The following PKNOX2 variants were observed in gnomAD, a reference collection of about 807,000 sequenced individuals.
PKNOX2 encodes homeobox protein PKNOX2.
PKNOX2 carries 14 observed loss-of-function variants against 53.1 expected under a neutral mutation model. That is an observed-to-expected ratio of 0.26 (90% confidence interval 0.17 to 0.41). The LOEUF (loss-of-function observed/expected upper bound fraction) is 0.41, where lower values mean the gene tolerates loss of function less well. PKNOX2 is among the 10% of genes least tolerant of loss of function. The pLI is 1.00. For synonymous variants in PKNOX2, 257 were observed against 242.8 expected (o/e 1.06, Z -0.54); for missense variants, 496 against 602.8 (o/e 0.82, Z 1.85).
At chr11:125,274,425 T>C (rs1946023817) in intron 2 of PKNOX2, among the ~76,000 whole-genome samples, 1 of 152,212 alleles carries the variant, frequency 6.6e-6, no homozygotes, top group Non-Finnish European at 1.5e-5. Flanking sequence ...ATATGAATCC[T>C]TTGCCTCTGC....
At chr11:125,343,024 G>A (rs1250786413) in intron 3 of PKNOX2, among the ~76,000 whole-genome samples, 1 of 152,028 alleles carries the variant, frequency 6.6e-6, no homozygotes, top group Admixed American at 6.5e-5. Context: ...CGCTCTCTAG[G>A]TTAGAAGGTT....
chr11:125,208,316 T>C (rs1250276036), intron 1 of PKNOX2, among the ~76,000 whole-genome samples: 4 of 152,084 alleles, frequency 2.6e-5, no homozygotes, highest in African/African-American at 7.2e-5. Context: ...AGATTGTAAG[T>C]TGAACCTGGA....
At chr11:125,236,886 C>G (rs1045638739) in intron 2 of PKNOX2, among the ~76,000 whole-genome samples, 1 of 152,198 alleles carries the variant, frequency 6.6e-6, no homozygotes, top group Non-Finnish European at 1.5e-5. Flanking sequence ...GAGAGGGAAA[C>G]AGCAAATATT....
intron 1 of PKNOX2, among the ~76,000 whole-genome samples, chr11:125,196,861 G>A (rs987940917): frequency 1.3e-5 from 2 of 152,218 alleles, no homozygotes; most frequent in African/African-American, 2.4e-5. Context: ...CTCTCCTCAT[G>A]AGCAGGGACC....
At chr11:125,204,927 C>T (rs969997457) in intron 1 of PKNOX2, among the ~76,000 whole-genome samples, 3 of 152,128 alleles carry the variant, frequency 2.0e-5, no homozygotes, top group Non-Finnish European at 2.9e-5. Context: ...AAAACAAGAC[C>T]GTACACTCCC....
chr11:125,421,470 T>C (rs2135632652), intron 10 of PKNOX2, among the ~76,000 whole-genome samples: 1 of 152,286 alleles, frequency 6.6e-6, no homozygotes, highest in South Asian at 2.1e-4. Context: ...AGCAAGGGCT[T>C]TGGAGGCAGA....
At chr11:125,273,291 A>C (rs979562438) in intron 2 of PKNOX2, among the ~76,000 whole-genome samples, 4 of 152,238 alleles carry the variant, frequency 2.6e-5, no homozygotes, top group Admixed American at 2.6e-4. Context: ...GGCTCAGCAA[A>C]CAGAGCCCAG....
intron 5 of PKNOX2, among the ~76,000 whole-genome samples, chr11:125,369,944 G>A (rs1952436124): frequency 6.6e-6 from 1 of 152,164 alleles, no homozygotes; most frequent in Admixed American, 6.5e-5. Flanking sequence ...GATTAGAAAT[G>A]CAGGCTCTTA....
intron 1 of PKNOX2, among the ~76,000 whole-genome samples, chr11:125,200,447 G>A (rs148597775): frequency 1.8e-4 from 27 of 152,216 alleles, no homozygotes; most frequent in African/African-American, 5.3e-4. Flanking sequence ...TCGTTTCCTC[G>A]TAGCCCAGTG....
At chr11:125,346,884 C>T (rs574397413) in intron 3 of PKNOX2, among the ~76,000 whole-genome samples, 12 of 151,690 alleles carry the variant, frequency 7.9e-5, no homozygotes, top group Admixed American at 7.2e-4. Context: ...CCAGGGCCAC[C>T]GTCCCCTCTA....
chr11:125,327,120 C>T (rs923338384), intron 2 of PKNOX2, among the ~76,000 whole-genome samples: 4 of 152,182 alleles, frequency 2.6e-5, no homozygotes. Flanking sequence ...GTAACCTTCC[C>T]AGAGTGGACA....
intron 6 of PKNOX2, among the ~76,000 whole-genome samples, chr11:125,390,839 C>T (rs994624336): frequency 1.2e-4 from 19 of 152,202 alleles, no homozygotes; most frequent in African/African-American, 4.1e-4. Context: ...ACTTGTCTTG[C>T]GTGATGGTTT....
intron 11 of PKNOX2, 106 bp from the exon 12 acceptor site, chr11:125,429,857 G>A (rs921379257): frequency 1.2e-5 from 15 of 1,302,290 alleles, no homozygotes; most frequent in Admixed American, 4.7e-5. Flanking sequence ...TGGGAACCCC[G>A]GTCTGCTCTG....
At chr11:125,301,717 T>G (rs925479723) in intron 2 of PKNOX2, among the ~76,000 whole-genome samples, 1 of 152,136 alleles carries the variant, frequency 6.6e-6, no homozygotes, top group African/African-American at 2.4e-5. Flanking sequence ...CAGTTTGGGT[T>G]TGGTGGACTC....
intron 2 of PKNOX2, among the ~76,000 whole-genome samples, chr11:125,282,559 C>G (rs572957452): frequency 5.1e-4 from 77 of 152,282 alleles, no homozygotes; most frequent in Non-Finnish European, 9.4e-4. Context: ...CGAACACGTT[C>G]CCAGGTGATG....
intron 4 of PKNOX2, among the ~76,000 whole-genome samples, chr11:125,364,136 C>T (rs1952065318): frequency 6.6e-6 from 1 of 152,242 alleles, no homozygotes; most frequent in African/African-American, 2.4e-5. Context: ...CCCCATCCTC[C>T]TGGCCCCCAA....
At chr11:125,282,913 G>T (rs932960815) in intron 2 of PKNOX2, among the ~76,000 whole-genome samples, 6 of 152,166 alleles carry the variant, frequency 3.9e-5, no homozygotes, top group Non-Finnish European at 7.3e-5. Flanking sequence ...GCACTTTGGG[G>T]TGCTGAGGCG....
At chr11:125,391,085 C>G (rs1362442390) in intron 6 of PKNOX2, among the ~76,000 whole-genome samples, 1 of 152,112 alleles carries the variant, frequency 6.6e-6, no homozygotes, top group Non-Finnish European at 1.5e-5. Flanking sequence ...TTCTTCTGTC[C>G]GTGAGGGAGA....
intron 1 of PKNOX2, among the ~76,000 whole-genome samples, chr11:125,182,983 A>G (rs919785898): frequency 6.6e-6 from 1 of 152,212 alleles, no homozygotes; most frequent in African/African-American, 2.4e-5. Context: ...GAAACTTGCA[A>G]GAGGGACCGT....
Sources: allele counts gnomAD v4.1 joint callset (sites outside exome capture counted in the v4.1 genomes callset), GRCh38; gene constraint gnomAD v4.1.1; transcripts MANE v1.5; gene names NCBI Gene and HGNC (gene_info 2026-07-23, HGNC 2026-07-21).